The following GDI2 variants were observed in gnomAD, a reference collection of about 807,000 sequenced individuals.
GDI2 encodes the protein GDP dissociation inhibitor 2.
GDI2 carries 22 observed loss-of-function variants against 54.2 expected under a neutral mutation model. The observed-to-expected ratio is 0.41, with a 90% CI of 0.29 to 0.58. The LOEUF (loss-of-function observed/expected upper bound fraction) is 0.58, where lower values mean the gene tolerates loss of function less well. Among genes scored for constraint, GDI2 ranks in the 20% least tolerant of loss-of-function variants. The probability of loss-of-function intolerance (pLI) is 0.35; values close to 1 mark genes in which losing one functional copy is unlikely to be tolerated. For missense variants in GDI2, 422 were observed against 546.0 expected (o/e 0.77, Z 2.26); for synonymous variants, 177 against 182.1 (o/e 0.97, Z 0.23).
Position 5,785,184 on chromosome 10 carries a change from T to A in GDI2, c.677A>T (p.Tyr226Phe). 1 of 1,612,480 alleles carries A rather than the reference T, an allele frequency of 6.2e-7. No individual in the cohort carries two copies. The highest frequency in any genetic ancestry group is 8.5e-7 in the Non-Finnish European group (1 of 1,178,850). Residue 226 changes from tyrosine (Y) to phenylalanine (F), a missense_variant, in exon 6 of 11, where the codon TAT becomes TTT. Physicochemically the swap from Tyr to Phe is conservative, Grantham distance 22 (BLOSUM62 3). Coordinates refer to ENST00000380191, the MANE Select transcript of GDI2 (RefSeq NM_001494.4). ...CAGTTCTCCAAGGCCATAGAGTGGA[T>A]AAAGGTATGGGCTTTTGCCATATCT... ...LARYGKSPYLYPLYGLGELPQ... is the reference protein window; with the variant it reads ...LARYGKSPYLFPLYGLGELPQ...
chr10:5,790,289 ATCT>A (rs999916074), intron 4 of GDI2, among the ~76,000 whole-genome samples: 23 of 152,254 alleles, frequency 1.5e-4, no homozygotes, highest in Non-Finnish European at 3.2e-4. Flanking sequence ...CTTCCTTATC[ATCT>A]TCTTAAGGGC....
rs572706146 is a variant in GDI2, at chr10:5,781,777, G to A, written c.719+3365C>T. On this transcript the variant is annotated intron_variant, in intron 6 of 10. Coordinates refer to ENST00000380191, the MANE Select transcript of GDI2 (RefSeq NM_001494.4). Reference sequence around the variant, plus strand: ...GCCTGTAATCCCAGCACTTTGGGAAGCCAAGGCAGGTGGATCACTTGAGGT... The same window carrying A: ...GCCTGTAATCCCAGCACTTTGGGAAACCAAGGCAGGTGGATCACTTGAGGT... Among the ~76,000 whole-genome samples, 24 of 152,314 alleles carry A rather than the reference G, an allele frequency of 1.6e-4. No individual in the cohort carries two copies. The East Asian group carries it at 4.0e-3, about 26-fold the overall frequency.
At chr10:5,784,269 T>C (rs952189343) in intron 6 of GDI2, among the ~76,000 whole-genome samples, 1 of 152,252 alleles carries the variant, frequency 6.6e-6, no homozygotes, top group Admixed American at 6.5e-5. Context: ...GTCCCTTGAT[T>C]TTCAGAAGTT....
chr10:5,797,735 A>G (rs756072920), intron 2 of GDI2, among the ~76,000 whole-genome samples: 3 of 152,142 alleles, frequency 2.0e-5, no homozygotes, highest in Non-Finnish European at 4.4e-5. Context: ...GCAAGACTCC[A>G]TCTCAAGAAA....
chr10:5,778,914 G>C (rs1840687511), intron 6 of GDI2, among the ~76,000 whole-genome samples: 1 of 152,158 alleles, frequency 6.6e-6, no homozygotes, highest in South Asian at 2.1e-4. Context: ...ACTTTTCAGA[G>C]GAAGAATCCG....
intron 1 of GDI2, among the ~76,000 whole-genome samples, chr10:5,809,499 C>T (rs112607135): frequency 1.3e-5 from 2 of 152,250 alleles, no homozygotes; most frequent in African/African-American, 4.8e-5. Context: ...TCAAACCTTG[C>T]CAATATTTTT....
chr10:5,786,255 C>G (rs1340809371), intron 4 of GDI2, among the ~76,000 whole-genome samples: 1 of 146,674 alleles, frequency 6.8e-6, no homozygotes, highest in Non-Finnish European at 1.5e-5. Flanking sequence ...ACTGCAACCT[C>G]TGCCTCCCGT....
At chr10:5,779,714 G>A (rs1051313735) in intron 6 of GDI2, among the ~76,000 whole-genome samples, 1 of 147,346 alleles carries the variant, frequency 6.8e-6, no homozygotes. Flanking sequence ...TTTTGTAAGA[G>A]ACAGGGTCCT....
chr10:5,792,314 C>T (rs528436705), intron 4 of GDI2, among the ~76,000 whole-genome samples: 36 of 152,258 alleles, frequency 2.4e-4, no homozygotes, highest in African/African-American at 7.5e-4. Flanking sequence ...GCATCTCACA[C>T]GATTGCAGTG....
At chr10:5,805,948 C>T (rs1169545731) in intron 1 of GDI2, among the ~76,000 whole-genome samples, 1 of 152,176 alleles carries the variant, frequency 6.6e-6, no homozygotes, top group Non-Finnish European at 1.5e-5. Flanking sequence ...CAATTTACTT[C>T]TCCATTTTAC....
At chr10:5,812,757 G>C (rs1275672704) in intron 1 of GDI2, among the ~76,000 whole-genome samples, 3 of 152,228 alleles carry the variant, frequency 2.0e-5, no homozygotes, top group Admixed American at 2.0e-4. Context: ...ACTCGGCTTT[G>C]GCAGCCAGAC....
At chr10:5,786,795 C>G (rs911148006) in intron 4 of GDI2, among the ~76,000 whole-genome samples, 1 of 152,170 alleles carries the variant, frequency 6.6e-6, no homozygotes, top group African/African-American at 2.4e-5. Flanking sequence ...CAACCGGGCA[C>G]TTAATGATAA....
At chr10:5,803,386 T>G (rs1258305790) in intron 1 of GDI2, among the ~76,000 whole-genome samples, 1 of 152,156 alleles carries the variant, frequency 6.6e-6, no homozygotes, top group Non-Finnish European at 1.5e-5. Context: ...ATAAGGCCAC[T>G]GCACTTCAGC....
At chr10:5,796,694 C>T in intron 3 of GDI2, 69 bp downstream of exon 3, 2 of 828,672 alleles carry the variant, frequency 2.4e-6, no homozygotes, top group Non-Finnish European at 2.1e-6. Flanking sequence ...AGTACTCTGT[C>T]AAAAGTTAGT....
chr10:5,792,688 C>CA (rs5782859), intron 4 of GDI2, among the ~76,000 whole-genome samples: 43,480 of 130,848 alleles, frequency 0.33, 7,296 homozygotes, highest in East Asian at 0.72. Flanking sequence ...TGCGCTTATT[C>CA]AAAAAAAAAA....
intron 1 of GDI2, chr10:5,811,985 G>C (rs1450243017): frequency 1.6e-6 from 1 of 621,362 alleles, no homozygotes. Flanking sequence ...AAATTGGTTT[G>C]ACCCTGAGAG....
chr10:5,783,429 T>C (rs1840805440), intron 6 of GDI2, among the ~76,000 whole-genome samples: 1 of 152,208 alleles, frequency 6.6e-6, no homozygotes, highest in Admixed American at 6.5e-5. Flanking sequence ...AAGTGGAGCA[T>C]GTAGGCCATT....
At chr10:5,808,320 G>A (rs1011785114) in intron 1 of GDI2, among the ~76,000 whole-genome samples, 2 of 147,714 alleles carry the variant, frequency 1.4e-5, no homozygotes, top group African/African-American at 5.0e-5. Flanking sequence ...CCGAGACCCT[G>A]TCTCAAAAAC....
At chr10:5,794,850 T>A (rs1841112205) in intron 4 of GDI2, 35 bp downstream of exon 4, 1 of 1,430,630 alleles carries the variant, frequency 7.0e-7, no homozygotes, top group South Asian at 1.2e-5. Context: ...TCTGAGAAAA[T>A]AAAACTAGTT....
Sources: allele counts gnomAD v4.1 joint callset (sites outside exome capture counted in the v4.1 genomes callset), GRCh38; gene constraint gnomAD v4.1.1; transcripts MANE v1.5; gene names NCBI Gene and HGNC (gene_info 2026-07-23, HGNC 2026-07-21).